The following PCDHGA3 variants were observed in gnomAD, a reference collection of about 807,000 sequenced individuals.
The protein encoded by PCDHGA3 is protocadherin gamma-A3.
In PCDHGA3, 40 loss-of-function variants were observed where a neutral mutation model predicts 58.5. The ratio of observed to expected loss-of-function variants is 0.68; its 90% CI spans 0.53 to 0.89. PCDHGA3 has a LOEUF of 0.89. PCDHGA3 is among the 40% of genes least tolerant of loss of function. The probability of loss-of-function intolerance (pLI) is 0.00; values close to 1 mark genes in which losing one functional copy is unlikely to be tolerated. For synonymous variants in PCDHGA3, 530 were observed against 525.7 expected (o/e 1.01, Z -0.11); for missense variants, 1,223 against 1,195.9 (o/e 1.02, Z -0.33).
Position 141,344,178 on chromosome 5 carries a change from G to C in PCDHGA3, c.145G>C (p.Ala49Pro), listed in dbSNP as rs1757380514. ...TAAAGGTTCCTTCGTGGGCAACATC[G>C]CTAACGACCTGGGGCTAGAGCCCCG... ...LDKGSFVGNI[A>P]NDLGLEPREL... is the part of the protein sequence containing the mutation. The change falls in exon 1 of 4, where the codon GCT (alanine) becomes CCT (proline). Residue 49 changes from alanine (A) to proline (P), a missense_variant. By Grantham distance (27) the Ala-to-Pro change is conservative. This residue lies in a region of PCDHGA3 where 791 missense variants were observed against 708.5 expected (regional missense o/e 1.12). Coordinates refer to ENST00000253812, the MANE Select transcript of PCDHGA3 (RefSeq NM_018916.4). 6.2e-7 allele frequency: 1 copy of C among 1,614,024 alleles called. No homozygotes were observed. The highest frequency in any genetic ancestry group is 1.3e-5 in the African/African-American group (1 of 75,054).
chr5:141,419,604 C>T (rs1279434352), intron 1 of PCDHGA3: 1 of 1,611,850 alleles, frequency 6.2e-7, no homozygotes, highest in East Asian at 2.2e-5. Flanking sequence ...CCGCGGGCCG[C>T]GCAGCCAGGC....
In PCDHGA3 at chr5:141,372,730, ATCT is replaced by A. The variant is rs751345248; in HGVS notation, c.2424+26277_2424+26279del. On this transcript the variant is annotated intron_variant, in intron 1 of 3. Transcript: ENST00000253812. ...AAGGCTGAAAATGCTGCACCACAAG[ATCT>A]TCTATGTGATGAAGCCTCTTGGTTT... 33 of 1,613,530 alleles carry A rather than the reference ATCT, an allele frequency of 2.0e-5. No homozygotes were observed. In the East Asian group the frequency reaches 7.1e-4, roughly 35 times the overall value.
intron 1 of PCDHGA3, among the ~76,000 whole-genome samples, chr5:141,450,487 G>A (rs1379694010): frequency 1.3e-5 from 2 of 151,938 alleles, no homozygotes; most frequent in African/African-American, 2.4e-5. Context: ...TTGTTTGTTT[G>A]TCTGTTTGTT....
At position 141,399,508 on chromosome 5, in the gene PCDHGA3, A is replaced by C. The variant is rs780948105; in HGVS notation, c.2424+53051A>C. ...CTACTTAGTCAGTGTACCCGAAAAC[A>C]ACCCTCCTGGGGCCTCCATCGCGCA... On this transcript the variant is annotated intron_variant, in intron 1 of 3. Coordinates refer to ENST00000253812, the MANE Select transcript of PCDHGA3 (RefSeq NM_018916.4). 3.2e-5 allele frequency: 51 copies of C among 1,613,904 alleles called. No homozygotes were observed. In the African/African-American group the frequency reaches 6.7e-4, roughly 21 times the overall value.
intron 1 of PCDHGA3, among the ~76,000 whole-genome samples, chr5:141,455,095 A>G (rs910300076): frequency 2.6e-5 from 4 of 151,836 alleles, no homozygotes; most frequent in African/African-American, 9.7e-5. Flanking sequence ...TACAGGCTTG[A>G]GCCACTGCGC....
At chr5:141,447,520 T>C (rs1156521785) in intron 1 of PCDHGA3, among the ~76,000 whole-genome samples, 1 of 152,202 alleles carries the variant, frequency 6.6e-6, no homozygotes, top group Non-Finnish European at 1.5e-5. Context: ...ATAACAATCA[T>C]AACAAAATTG....
Position 141,344,563 on chromosome 5 carries a change from ACTT to A in PCDHGA3, c.533_535del (p.Phe178del), listed in dbSNP as rs1268402490. 4.3e-6 allele frequency: 7 copies of A among 1,614,014 alleles called. No individual in the cohort carries two copies. The highest frequency in any genetic ancestry group is 5.9e-6 in the Non-Finnish European group (7 of 1,179,894). On this transcript the variant is annotated inframe_deletion, in exon 1 of 4. Transcript: ENST00000253812. ...AACTACAAGCTTAGCCCCAATGACT[ACTT>A]CTCTCTGGCTGTGAATAGCGTCTCT...
At chr5:141,373,930 A>G in intron 1 of PCDHGA3, 1 of 675,978 alleles carries the variant, frequency 1.5e-6, no homozygotes, top group Non-Finnish European at 2.3e-6. Context: ...TAGACGGGAA[A>G]GCAGGAAAGC....
chr5:141,418,626 C>A (rs1237600131), intron 1 of PCDHGA3: 2 of 1,613,902 alleles, frequency 1.2e-6, no homozygotes, highest in African/African-American at 2.7e-5. Context: ...GAAGACGTGC[C>A]TCCAGGCACC....
In PCDHGA3 at chr5:141,415,739, G is replaced by GTTT. The variant is rs1561759437; in HGVS notation, c.2424+69282_2424+69283insTTT. 6 of 435,150 alleles carry GTTT rather than the reference G, an allele frequency of 1.4e-5. No individual in the cohort carries two copies. The African/African-American group carries it at 1.6e-4, about 12-fold the overall frequency. 27.0% of individuals were successfully genotyped at this position (435,150 alleles called of 1,614,324 possible). ...ATGAGTAGAATTTGATGTTTATTAAGGTTTTTTTTTTTTTTTTTTTTTTTT... is the reference window on the plus strand; with the variant it reads ...ATGAGTAGAATTTGATGTTTATTAAGTTTGTTTTTTTTTTTTTTTTTTTTTTTT... On this transcript the variant is annotated intron_variant, in intron 1 of 3. Transcript: ENST00000253812.
chr5:141,433,262 T>C (rs2097580507), intron 1 of PCDHGA3: 1 of 1,339,318 alleles, frequency 7.5e-7, no homozygotes, highest in Non-Finnish European at 1.0e-6. Context: ...GGTACGATCA[T>C]AGCTCACTGC....
At chr5:141,494,075 C>T (rs1482844644) in intron 1 of PCDHGA3, among the ~76,000 whole-genome samples, 7 of 152,322 alleles carry the variant, frequency 4.6e-5, no homozygotes, top group East Asian at 1.9e-4. Context: ...GATCCCTCCC[C>T]GCTGCATCCC....
chr5:141,490,589 A>G lies in PCDHGA3; in HGVS notation c.2425-4218A>G, dbSNP rs761250654. On this transcript the variant is annotated intron_variant, in intron 1 of 3. Transcript: ENST00000253812. The surrounding 1 kb of genome is among the most constrained non-coding windows in gnomAD (Gnocchi z 5.4). ...CTCAACATTTCAGATGTCAATGACA[A>G]TGCACCCCGCTTCAACCAGCAGCTT... The G allele has an allele frequency of 5.7e-5, 92 of 1,614,042 alleles. No individual in the cohort carries two copies. Among genetic ancestry groups the G allele is most frequent in the Non-Finnish European group, 7.6e-5 (90 of 1,180,036 alleles).
At chr5:141,355,427 C>A (rs778595998) in intron 1 of PCDHGA3, 1 of 1,614,082 alleles carries the variant, frequency 6.2e-7, no homozygotes, top group Admixed American at 1.7e-5. Flanking sequence ...CAGCTTTTCG[C>A]CCTGAACCCG....
chr5:141,403,201 C>T (rs1486888915), intron 1 of PCDHGA3: 2 of 1,614,002 alleles, frequency 1.2e-6, no homozygotes, highest in South Asian at 1.1e-5. Context: ...GCAGCGGCAC[C>T]TTGGTCACCG....
intron 1 of PCDHGA3, chr5:141,375,291 G>C: frequency 4.3e-6 from 7 of 1,613,756 alleles, no homozygotes; most frequent in Non-Finnish European, 5.9e-6. Context: ...AATTATTATC[G>C]ATTAGTGACA....
rs752341952 is a variant in PCDHGA3 at position 141,431,380 on chromosome 5, T to C, written c.2425-63427T>C. 10 of 1,613,902 alleles carry C rather than the reference T, an allele frequency of 6.2e-6. No homozygotes were observed. The highest frequency in any genetic ancestry group is 8.5e-6 in the Non-Finnish European group (10 of 1,180,024). ...CCCTGGACCGCGAAGAAAAGGCTGCTCACCACCTGGTCCTTACGGCCTCCG... is the reference window on the plus strand; with the variant it reads ...CCCTGGACCGCGAAGAAAAGGCTGCCCACCACCTGGTCCTTACGGCCTCCG... On this transcript the variant is annotated intron_variant, in intron 1 of 3. Transcript: ENST00000253812. The surrounding 1 kb of genome is among the most constrained non-coding windows in gnomAD (Gnocchi z 4.8).
intron 3 of PCDHGA3, among the ~76,000 whole-genome samples, chr5:141,509,345 G>A (rs1203328830): frequency 6.6e-6 from 1 of 152,196 alleles, no homozygotes; most frequent in Non-Finnish European, 1.5e-5. Flanking sequence ...GGCCTGGGCT[G>A]GCCTGGGCAT....
intron 1 of PCDHGA3, chr5:141,398,873 T>G (rs2093718804): frequency 5.0e-6 from 8 of 1,613,254 alleles, no homozygotes; most frequent in Non-Finnish European, 6.8e-6. Context: ...GTGTACAGAG[T>G]CAGCCTTCGG....
Sources: allele counts gnomAD v4.1 joint callset (sites outside exome capture counted in the v4.1 genomes callset), GRCh38; gene constraint gnomAD v4.1.1; regional missense constraint gnomAD v4.1.1; non-coding constraint Gnocchi (gnomAD v3.1); transcripts MANE v1.5; gene names NCBI Gene and HGNC (gene_info 2026-07-23, HGNC 2026-07-21).